The following UNC13B variants were observed in gnomAD, a reference collection of about 807,000 sequenced individuals.
The protein encoded by UNC13B is unc-13 homolog B, also known as protein unc-13 homolog B.
In UNC13B, 144 loss-of-function variants were observed where a neutral mutation model predicts 211.0. That is an observed-to-expected ratio of 0.68 (90% confidence interval 0.60 to 0.78). The LOEUF (loss-of-function observed/expected upper bound fraction) is 0.78. UNC13B is among the 30% of genes least tolerant of loss of function. The pLI, the probability that UNC13B is intolerant of heterozygous loss-of-function variation, is 0.00. For synonymous variants in UNC13B, 709 were observed against 725.8 expected, an observed-to-expected ratio of 0.98 and a Z score of 0.37; for missense variants, 1,777 against 2,002.0, an observed-to-expected ratio of 0.89 and a Z score of 2.14.
In UNC13B at chr9:35,376,197, T is replaced by A. The variant is rs1284109164; in HGVS notation, c.9785T>A (p.Val3262Asp). ...RQGMRCSECG[V>D]KCHEKCQDLL... ...GGCATGCGCTGCAGCGAATGTGGAG[T>A]CAAGTGCCATGAGAAGTGCCAGGAT... is the stretch of plus-strand genomic sequence containing the variant. Residue 3262 changes from valine to aspartate, a missense_variant, in exon 15 of 40, where the codon GTC becomes GAC. Coordinates refer to ENST00000635942, the MANE Select transcript of UNC13B (RefSeq NM_001371189.2). 6.2e-7 allele frequency: 1 copy of A among 1,613,892 alleles called. No homozygotes were observed. The highest frequency in any genetic ancestry group is 8.5e-7 in the Non-Finnish European group (1 of 1,179,974).
chr9:35,399,694 T>G lies in UNC13B; in HGVS notation c.12301T>G (p.Cys4101Gly). The change falls in exon 36 of 40, where the codon TGT (cysteine) becomes GGT (glycine). Residue 4101 changes from cysteine to glycine, a missense_variant. Coordinates refer to ENST00000635942, the MANE Select transcript of UNC13B (RefSeq NM_001371189.2). ...EETRNLTPKQ[C>G]AVLDLALDTI... ...AACACGGAATCTCACTCCAAAGCAG[T>G]GTGCAGTCCTTGACCTCGCCCTGGA... The G allele has an allele frequency of 6.2e-7, 1 of 1,614,122 alleles. No homozygotes were observed.
intron 26 of UNC13B, among the ~76,000 whole-genome samples, chr9:35,395,927 G>C (rs1395435429): frequency 1.3e-5 from 2 of 152,100 alleles, no homozygotes. Context: ...CCTTCAGTTT[G>C]CCTCAAGATT....
At chr9:35,241,746 C>T (rs62543191) in intron 5 of UNC13B, among the ~76,000 whole-genome samples, 4,373 of 152,282 alleles carry the variant, frequency 0.029, 97 homozygotes, top group Non-Finnish European at 0.041. Context: ...CCTTGCACTT[C>T]CCACTCTCCT....
At chr9:35,316,749 T>A (rs534757908) in intron 11 of UNC13B, among the ~76,000 whole-genome samples, 1 of 152,288 alleles carries the variant, frequency 6.6e-6, no homozygotes, top group East Asian at 1.9e-4. Flanking sequence ...CTCTGAATAA[T>A]TAGTATGTTG....
chr9:35,180,521 C>T (rs1821877672), intron 1 of UNC13B, among the ~76,000 whole-genome samples: 2 of 151,870 alleles, frequency 1.3e-5, no homozygotes, highest in African/African-American at 4.8e-5. Flanking sequence ...TAAATTGGAG[C>T]ATTAGCTATT....
chr9:35,367,994 G>C (rs1833881807), intron 12 of UNC13B, among the ~76,000 whole-genome samples: 1 of 152,178 alleles, frequency 6.6e-6, no homozygotes. Context: ...GAAGAAGAAA[G>C]ATCAGGTAGA....
chr9:35,326,089 C>T (rs1159345197), intron 11 of UNC13B, among the ~76,000 whole-genome samples: 2 of 152,170 alleles, frequency 1.3e-5, no homozygotes, highest in African/African-American at 4.8e-5. Flanking sequence ...ACCTTCCCAT[C>T]AGCAGTGTAT....
At chr9:35,211,587 T>C (rs1205939852) in intron 1 of UNC13B, among the ~76,000 whole-genome samples, 1 of 152,184 alleles carries the variant, frequency 6.6e-6, no homozygotes, top group East Asian at 1.9e-4. Context: ...AATGTGCAAG[T>C]ATAGCAATAT....
chr9:35,382,323 G>T (rs951087838), intron 20 of UNC13B, 34 bp from the exon 21 acceptor site: 3 of 1,591,044 alleles, frequency 1.9e-6, no homozygotes, highest in Non-Finnish European at 2.6e-6. Context: ...AAGCCCTGAA[G>T]AGTCTTTGAG....
chr9:35,282,496 A>G (rs369701129), intron 7 of UNC13B, among the ~76,000 whole-genome samples: 3,630 of 152,114 alleles, frequency 0.024, 73 homozygotes, highest in Non-Finnish European at 0.04. Context: ...AGTGGCTGTG[A>G]TCTCGGCTCA....
At chr9:35,330,270 T>TGTTG (rs1244648850) in intron 11 of UNC13B, among the ~76,000 whole-genome samples, 4 of 152,236 alleles carry the variant, frequency 2.6e-5, no homozygotes, top group Admixed American at 6.5e-5. Flanking sequence ...TTTCCAGAAC[T>TGTTG]GTTGGCTTTT....
chr9:35,339,626 G>C (rs1241603074), intron 11 of UNC13B, among the ~76,000 whole-genome samples: 1 of 152,250 alleles, frequency 6.6e-6, no homozygotes, highest in African/African-American at 2.4e-5. Flanking sequence ...GTAATTTGTG[G>C]TCAAAGCTGC....
rs2132231647 is a variant in UNC13B, at chr9:35,377,660, G to A, written c.10028G>A (p.Gly3343Asp). Residue 3343 changes from glycine (G) to aspartate (D), a missense_variant, in exon 16 of 40, where the codon GGC (glycine) becomes GAC (aspartate). Physicochemically the swap from Gly to Asp is moderately conservative, Grantham distance 94. Transcript: ENST00000635942. ...MKTVKQSVLD[G>D]TSKWSAKITI... ...ACAGTGAAGCAGAGTGTACTGGATGGCACCTCCAAATGGTCAGCCAAGATC... is the reference window on the plus strand; with the variant it reads ...ACAGTGAAGCAGAGTGTACTGGATGACACCTCCAAATGGTCAGCCAAGATC... The A allele has an allele frequency of 1.9e-6, 3 of 1,614,186 alleles. No homozygotes were observed. Among genetic ancestry groups the A allele is most frequent in the Non-Finnish European group, 2.5e-6 (3 of 1,180,046 alleles).
intron 6 of UNC13B, among the ~76,000 whole-genome samples, chr9:35,251,689 C>A (rs1215774521): frequency 6.6e-6 from 1 of 151,956 alleles, no homozygotes; most frequent in Non-Finnish European, 1.5e-5. Flanking sequence ...ACCACAATGC[C>A]ATTATCACAC....
Position 35,396,936 on chromosome 9 carries a change from G to C in UNC13B, c.11531G>C (p.Gly3844Ala). Reference sequence around the variant, plus strand: ...GCCCTGGAACGAGATAAGAAGGATGGAGTAAGTCAGGGGCTTTGGCTGCAC... The same window carrying C: ...GCCCTGGAACGAGATAAGAAGGATGCAGTAAGTCAGGGGCTTTGGCTGCAC... ...RGALERDKKD[G>A]FQQTSEHALF... The change falls in exon 28 of 40, where the codon GGA becomes GCA. Residue 3844 changes from glycine (G) to alanine (A), a missense_variant and splice_region_variant. By Grantham distance (60) the Gly-to-Ala change is moderately conservative. Coordinates refer to ENST00000635942, the MANE Select transcript of UNC13B (RefSeq NM_001371189.2). 6.2e-7 allele frequency: 1 copy of C among 1,614,136 alleles called. No homozygotes were observed. The highest frequency in any genetic ancestry group is 2.2e-5 in the East Asian group (1 of 44,882).
In UNC13B at chr9:35,307,618, A is replaced by G. The variant is rs1829990659; in HGVS notation, c.8214A>G (p.Glu2738=). ...LLEDPVLAAR[E]SCEIIHAQKD... ...AGGACCCTGTGCTTGCTGCCAGAGA[A>G]AGTTGTGAGATAATTCATGCCCAGA... The change falls in exon 9 of 40, where the codon GAA becomes GAG. Residue 2738 remains glutamate (E), a synonymous_variant. Transcript: ENST00000635942. 2.5e-6 allele frequency: 1 copy of G among 399,124 alleles called. No homozygotes were observed. Among genetic ancestry groups the G allele is most frequent in the Admixed American group, 4.4e-5 (1 of 22,730 alleles). 24.7% of individuals were successfully genotyped at this position (399,124 alleles called of 1,614,324 possible).
chr9:35,381,910 T>C (rs960767943), intron 20 of UNC13B, among the ~76,000 whole-genome samples, 191 bp downstream of exon 20: 4 of 152,196 alleles, frequency 2.6e-5, no homozygotes, highest in African/African-American at 4.8e-5. Context: ...ATGTTGTAAC[T>C]CACAGAAAAG....
At chr9:35,175,504 C>T (rs746212131) in intron 1 of UNC13B, among the ~76,000 whole-genome samples, 9 of 151,942 alleles carry the variant, frequency 5.9e-5, no homozygotes, top group Non-Finnish European at 1.3e-4. Context: ...CAGCGAGTTT[C>T]AAGAAGGAAT....
intron 11 of UNC13B, among the ~76,000 whole-genome samples, chr9:35,318,820 T>C (rs993841971): frequency 2.6e-5 from 4 of 152,230 alleles, no homozygotes; most frequent in African/African-American, 9.6e-5. Context: ...ATTGCCAAAT[T>C]GCCATCCATT....
Sources: gnomAD v4.1 joint callset for allele counts (sites outside exome capture counted in the v4.1 genomes callset) on GRCh38, gnomAD v4.1.1 for gene constraint, MANE v1.5 for transcripts, NCBI Gene and HGNC (gene_info 2026-07-23, HGNC 2026-07-21) for gene names.